Variants in PRKN observed in about 807,000 individuals in gnomAD.
PRKN encodes the protein E3 ubiquitin-protein ligase parkin.
In PRKN, 56 loss-of-function variants were observed where a neutral mutation model predicts 59.5. The observed-to-expected ratio is 0.94, with a 90% CI of 0.76 to 1.18. The LOEUF is 1.18. PRKN is among the 50% of genes most tolerant of loss of function. The pLI, the probability that PRKN is intolerant of heterozygous loss-of-function variation, is 0.00. For synonymous variants in PRKN, 250 were observed against 222.1 expected (o/e 1.13, Z -1.12); for missense variants, 657 against 596.4 (o/e 1.10, Z -1.06).
In PRKN at chr6:161,938,645, AG is replaced by A. The variant is rs1779442498; in HGVS notation, c.734+34656del. Reference sequence around the variant, plus strand: ...AAATTTTGAAGGACGTTGAAACGAAAGAAACAAGATGAGTGGGTGTGTTATG... The same window carrying A: ...AAATTTTGAAGGACGTTGAAACGAAAAAACAAGATGAGTGGGTGTGTTATG... On this transcript the variant is annotated intron_variant, in intron 6 of 11. Transcript: ENST00000366898. Among the ~76,000 whole-genome samples the A allele has an allele frequency of 2.0e-5, 3 of 152,244 alleles. No homozygotes were observed. In the South Asian group the frequency reaches 6.2e-4, roughly 31 times the overall value.
chr6:161,806,900 G>T (rs998794250), intron 6 of PRKN, among the ~76,000 whole-genome samples: 1 of 152,080 alleles, frequency 6.6e-6, no homozygotes. Context: ...GAAATTTTTC[G>T]CAAATAGTGA....
chr6:162,048,484 T>C (rs933559328), intron 5 of PRKN, among the ~76,000 whole-genome samples: 28 of 152,010 alleles, frequency 1.8e-4, no homozygotes, highest in Non-Finnish European at 1.5e-5. Context: ...TGTTACGAGT[T>C]AGGATTCGGA....
chr6:162,393,486 A>AG (rs1787320545), intron 2 of PRKN, among the ~76,000 whole-genome samples: 1 of 152,048 alleles, frequency 6.6e-6, no homozygotes, highest in Non-Finnish European at 1.5e-5. Context: ...TAGAGGACAG[A>AG]GAAGACATTC....
chr6:162,230,082 A>T (rs1778357591), intron 3 of PRKN, among the ~76,000 whole-genome samples: 1 of 152,216 alleles, frequency 6.6e-6, no homozygotes, highest in Non-Finnish European at 1.5e-5. Flanking sequence ...GACAATTCTT[A>T]TATTCTATTA....
In PRKN at chr6:161,897,976, A is replaced by AG. The variant is rs1236346572; in HGVS notation, c.734+75325_734+75326insC. Among the ~76,000 whole-genome samples, 9 of 143,468 alleles carry AG rather than the reference A, an allele frequency of 6.3e-5. 1 individual carries two copies. Among genetic ancestry groups the AG allele is most frequent in the African/African-American group, 2.4e-4 (9 of 37,824 alleles). 94.1% of individuals were successfully genotyped at this position (143,468 alleles called of 152,430 possible). The stretch of plus-strand genomic sequence containing the variant: ...AGCGAGACTCCGTCTCAAAAAAAAA[A>AG]AAAAAAAAGTCTCCCAGTTGCATAG... On this transcript the variant is annotated intron_variant, in intron 6 of 11. Transcript: ENST00000366898.
rs142709221 is a variant in PRKN, at chr6:161,834,249, G to T, written c.735-48341C>A. 9.9e-5 allele frequency among the ~76,000 whole-genome samples: 15 copies of T among 152,146 alleles called. No homozygotes were observed. The East Asian group carries it at 2.9e-3, about 29-fold the overall frequency. ...TAGTAATCCAAACACTTCTCCCTTA[G>T]TCGGTCTACACAGCCAAATAATCCC... On this transcript the variant is annotated intron_variant, in intron 6 of 11. Coordinates refer to ENST00000366898, the MANE Select transcript of PRKN (RefSeq NM_004562.3).
intron 2 of PRKN, among the ~76,000 whole-genome samples, chr6:162,282,596 A>T (rs775705895): frequency 9.9e-5 from 15 of 152,212 alleles, no homozygotes; most frequent in Non-Finnish European, 2.2e-4. Context: ...CATGGCAACA[A>T]TCTAAACAGT....
intron 7 of PRKN, among the ~76,000 whole-genome samples, chr6:161,769,359 G>A (rs191224317): frequency 5.6e-4 from 85 of 152,138 alleles, no homozygotes; most frequent in African/African-American, 1.8e-3. Flanking sequence ...ATTTTAAAAC[G>A]AGGAAATCAG....
chr6:162,307,995 G>T (rs1306652047), intron 2 of PRKN, among the ~76,000 whole-genome samples: 1 of 152,148 alleles, frequency 6.6e-6, no homozygotes, highest in Non-Finnish European at 1.5e-5. Context: ...AGGATTAAAG[G>T]CTCTTTGCAA....
intron 4 of PRKN, among the ~76,000 whole-genome samples, chr6:162,059,315 T>C (rs564791529): frequency 6.8e-5 from 5 of 73,356 alleles, no homozygotes; most frequent in African/African-American, 2.7e-4. Context: ...ATCTGGGACT[T>C]TAACACAGTA....
intron 6 of PRKN, among the ~76,000 whole-genome samples, chr6:161,951,308 T>A (rs780225355): frequency 2.0e-5 from 3 of 152,218 alleles, no homozygotes; most frequent in Non-Finnish European, 4.4e-5. Flanking sequence ...CATCCAACAT[T>A]CTGGAGAAGT....
At chr6:162,675,617 C>T (rs1779516190) in intron 1 of PRKN, among the ~76,000 whole-genome samples, 1 of 152,068 alleles carries the variant, frequency 6.6e-6, no homozygotes, top group Admixed American at 6.5e-5. Context: ...ACAACTACAA[C>T]CTACACTAAA....
In PRKN at chr6:161,920,684, G is replaced by A. The variant is rs758938918; in HGVS notation, c.734+52618C>T. Among the ~76,000 whole-genome samples, 7 of 151,490 alleles carry A rather than the reference G, an allele frequency of 4.6e-5. 1 individual carries two copies. Among genetic ancestry groups the A allele is most frequent in the East Asian group, 2.0e-4 (1 of 5,116 alleles). On this transcript the variant is annotated intron_variant, in intron 6 of 11. Coordinates refer to ENST00000366898, the MANE Select transcript of PRKN (RefSeq NM_004562.3). Reference sequence around the variant, plus strand: ...GTGTGCCTGTAATCCCAGCTACTCCGGAGGCTGAGGCAGGAGAATCGCTTG... The same window carrying A: ...GTGTGCCTGTAATCCCAGCTACTCCAGAGGCTGAGGCAGGAGAATCGCTTG...
intron 4 of PRKN, among the ~76,000 whole-genome samples, chr6:162,146,513 T>C (rs1377991905): frequency 7.2e-6 from 1 of 139,216 alleles, no homozygotes; most frequent in African/African-American, 2.5e-5. Flanking sequence ...TATATATAAA[T>C]TTTTTTTTTC....
intron 6 of PRKN, among the ~76,000 whole-genome samples, chr6:161,913,377 TTA>T (rs1261337946): frequency 6.6e-6 from 1 of 152,064 alleles, no homozygotes; most frequent in Non-Finnish European, 1.5e-5. Context: ...GACTCAAAAC[TTA>T]CTGCAAAGAA....
chr6:161,742,924 G>T (rs1440900058), intron 7 of PRKN, among the ~76,000 whole-genome samples: 2 of 152,082 alleles, frequency 1.3e-5, no homozygotes, highest in African/African-American at 4.8e-5. Flanking sequence ...AAGAGTCCAG[G>T]TTTCCAATCC....
chr6:161,538,047 T>C lies in PRKN; in HGVS notation c.1083+10807A>G, dbSNP rs1779491211. On this transcript the variant is annotated intron_variant, in intron 9 of 11. Transcript: ENST00000366898. This position sits in a 1 kb window ranked among gnomAD's most constrained non-coding sequence, Gnocchi z 4.2. ...TGTGTGTCAGGAACAATATTATTTC[T>C]GTCTGAAGGAGAGTAACAGGCAACT... Among the ~76,000 whole-genome samples, 1 of 152,238 alleles carries C rather than the reference T, an allele frequency of 6.6e-6. No individual in the cohort carries two copies. The highest frequency in any genetic ancestry group is 1.5e-5 in the Non-Finnish European group (1 of 68,036).
intron 1 of PRKN, among the ~76,000 whole-genome samples, chr6:162,719,587 A>G (rs574399146): frequency 1.6e-4 from 25 of 152,326 alleles, no homozygotes; most frequent in African/African-American, 4.8e-5. Context: ...TGGAAGGAAA[A>G]TGCAGAGCCA....
Position 162,589,987 on chromosome 6 carries a change from G to A in PRKN, c.7+137675C>T, listed in dbSNP as rs538092634. On this transcript the variant is annotated intron_variant, in intron 1 of 11. Transcript: ENST00000366898. ...GGGATTTCAATAAAAGGGCTAACTC[G>A]TTGGAAATTAAATAATTTGTGAATG... Among the ~76,000 whole-genome samples the A allele has an allele frequency of 2.6e-5, 4 of 152,232 alleles. No individual in the cohort carries two copies. In the South Asian group the frequency reaches 6.2e-4, roughly 24 times the overall value.
Sources: allele counts gnomAD v4.1 joint callset (sites outside exome capture counted in the v4.1 genomes callset), GRCh38; gene constraint gnomAD v4.1.1; non-coding constraint Gnocchi (gnomAD v3.1); transcripts MANE v1.5; gene names NCBI Gene and HGNC (gene_info 2026-07-23, HGNC 2026-07-21).